CLVS2: variants seen among roughly 807,000 people sequenced by gnomAD.
CLVS2 encodes the protein clavesin-2.
A neutral mutation model predicts 29.0 loss-of-function variants in CLVS2; 19 were observed. The ratio of observed to expected loss-of-function variants is 0.66; its 90% confidence interval spans 0.46 to 0.96. The LOEUF (loss-of-function observed/expected upper bound fraction) is 0.96. CLVS2 is among the 40% of genes least tolerant of loss of function. The pLI is 0.00. For missense variants in CLVS2, 294 were observed against 404.1 expected, an observed-to-expected ratio of 0.73 and a Z score of 2.34; for synonymous variants, 161 against 151.3, an observed-to-expected ratio of 1.06 and a Z score of -0.47.
At chr6:123,057,798 T>C (rs1415847866) in intron 5 of CLVS2, among the ~76,000 whole-genome samples, 6 of 152,200 alleles carry the variant, frequency 3.9e-5, no homozygotes, top group Non-Finnish European at 7.3e-5. Flanking sequence ...AGCAAGCTTA[T>C]ATTTAAACCA....
intron 3 of CLVS2, among the ~76,000 whole-genome samples, chr6:123,013,695 AC>A (rs1167747462): frequency 2.0e-5 from 3 of 151,804 alleles, no homozygotes; most frequent in African/African-American, 4.8e-5. Context: ...GTTTTAGGGT[AC>A]ATGTGCACAT....
At chr6:123,031,387 A>G (rs529468459) in intron 3 of CLVS2, among the ~76,000 whole-genome samples, 1 of 152,300 alleles carries the variant, frequency 6.6e-6, no homozygotes, top group East Asian at 1.9e-4. Flanking sequence ...GATGTTGGTC[A>G]AAAGACACAA....
Position 123,063,906 on chromosome 6 carries a change from C to G in CLVS2, c.*145C>G. The stretch of plus-strand genomic sequence containing the variant: ...ATATATAACAAGGCATCAGGCTTTC[C>G]TTGGCCTGAACCATGGGGGCCCTGG... On this transcript the variant is annotated 3_prime_UTR_variant, in exon 6 of 6. Coordinates refer to ENST00000275162, the MANE Select transcript of CLVS2 (RefSeq NM_001010852.4). 2.0e-6 allele frequency: 1 copy of G among 506,476 alleles called. No homozygotes were observed. Among genetic ancestry groups the G allele is most frequent in the Non-Finnish European group, 3.5e-6 (1 of 288,484 alleles). The allele number at this position is 506,476 out of a possible 1,614,324, so 31.4% of individuals were successfully genotyped here.
intron 3 of CLVS2, among the ~76,000 whole-genome samples, chr6:123,040,654 G>T (rs1257366520): frequency 6.6e-6 from 1 of 152,008 alleles, no homozygotes; most frequent in Non-Finnish European, 1.5e-5. Flanking sequence ...TTAGCTGGGC[G>T]TAGTGGCGGG....
At chr6:123,028,645 A>T (rs1232540230) in intron 3 of CLVS2, among the ~76,000 whole-genome samples, 27 of 152,230 alleles carry the variant, frequency 1.8e-4, no homozygotes, top group Admixed American at 1.8e-3. Flanking sequence ...TCTTGAACAC[A>T]GGATTAATGC....
chr6:123,006,388 A>G (rs1035789806), intron 2 of CLVS2, among the ~76,000 whole-genome samples: 22 of 152,126 alleles, frequency 1.4e-4, no homozygotes, highest in African/African-American at 5.3e-4. Context: ...TGTGTGCAGG[A>G]CAATTTTTCA....
At chr6:123,048,770 C>A in intron 4 of CLVS2, 38 bp downstream of exon 4, 2 of 1,239,132 alleles carry the variant, frequency 1.6e-6, no homozygotes, top group Non-Finnish European at 2.4e-6. Flanking sequence ...TTCTCTTCCG[C>A]CATCCAATGA....
At chr6:123,000,057 TTAA>T (rs1459261127) in intron 2 of CLVS2, among the ~76,000 whole-genome samples, 1 of 152,048 alleles carries the variant, frequency 6.6e-6, no homozygotes, top group Non-Finnish European at 1.5e-5. Flanking sequence ...GGAAACGGAG[TTAA>T]TAATTGGTAT....
chr6:123,020,649 A>G (rs1774906439), intron 3 of CLVS2, among the ~76,000 whole-genome samples: 1 of 152,112 alleles, frequency 6.6e-6, no homozygotes, highest in Non-Finnish European at 1.5e-5. Flanking sequence ...ATCAAGATTT[A>G]TCAAGTACTT....
Position 123,064,674 on chromosome 6 carries a change from AT to A in CLVS2, c.*914del, listed in dbSNP as rs1772827531. ...TTGTTGTGCACTGGTTAAAAAGTATATATATATATATATTCACACATATATA... is the reference window on the plus strand; with the variant it reads ...TTGTTGTGCACTGGTTAAAAAGTATAATATATATATATTCACACATATATA... On this transcript the variant is annotated 3_prime_UTR_variant, in exon 6 of 6. Transcript: ENST00000275162. 6.6e-6 allele frequency: 1 copy of A among 151,526 alleles called. No individual in the cohort carries two copies. Among genetic ancestry groups the A allele is most frequent in the Non-Finnish European group, 1.5e-5 (1 of 67,772 alleles). 9.4% of individuals were successfully genotyped at this position (151,526 alleles called of 1,614,324 possible).
intron 4 of CLVS2, among the ~76,000 whole-genome samples, chr6:123,053,322 T>C (rs1368767745): frequency 6.6e-6 from 1 of 152,094 alleles, no homozygotes; most frequent in Non-Finnish European, 1.5e-5. Flanking sequence ...CCAGCCTGGG[T>C]GACAGAGTAA....
In CLVS2 at chr6:123,049,804, T is replaced by TGGGGG. The variant is rs531705671; in HGVS notation, c.675+1074_675+1078dup. Reference sequence around the variant, plus strand: ...TCACACACCGGGGCCTGTTGTGGGATGGGGGGCGGGGAGGAATAGCATTAG... The same window carrying TGGGGG: ...TCACACACCGGGGCCTGTTGTGGGATGGGGGGGGGGGCGGGGAGGAATAGCATTAG... On this transcript the variant is annotated intron_variant, in intron 4 of 5. Coordinates refer to ENST00000275162, the MANE Select transcript of CLVS2 (RefSeq NM_001010852.4). 6.5e-3 allele frequency among the ~76,000 whole-genome samples: 764 copies of TGGGGG among 117,548 alleles called. 1 individual carries two copies. Among genetic ancestry groups the TGGGGG allele is most frequent in the Non-Finnish European group, 1.0e-2 (549 of 54,996 alleles). The allele number at this position is 117,548 out of a possible 152,430, so 77.1% of individuals were successfully genotyped here.
intron 3 of CLVS2, among the ~76,000 whole-genome samples, chr6:123,044,737 A>T (rs540234424): frequency 9.2e-5 from 14 of 152,182 alleles, no homozygotes; most frequent in Non-Finnish European, 1.8e-4. Flanking sequence ...ACCTGTGAAG[A>T]TAAGCTGTTA....
At chr6:123,053,577 G>A (rs980657947) in intron 4 of CLVS2, among the ~76,000 whole-genome samples, 9 of 152,168 alleles carry the variant, frequency 5.9e-5, no homozygotes, top group Non-Finnish European at 1.2e-4. Context: ...TCATTCAGTG[G>A]TAAGAGACAA....
intron 3 of CLVS2, among the ~76,000 whole-genome samples, chr6:123,045,502 C>T (rs1341687094): frequency 1.3e-5 from 2 of 152,020 alleles, no homozygotes; most frequent in East Asian, 1.9e-4. Flanking sequence ...CAAACAATCT[C>T]TCAGCTAATA....
chr6:123,004,673 G>A (rs1774637693), intron 2 of CLVS2, among the ~76,000 whole-genome samples: 1 of 152,178 alleles, frequency 6.6e-6, no homozygotes, highest in Admixed American at 6.5e-5. Flanking sequence ...AGCACTTTGG[G>A]AGGCCAAGGC....
chr6:123,040,835 CA>C (rs923052484), intron 3 of CLVS2, among the ~76,000 whole-genome samples: 74 of 146,998 alleles, frequency 5.0e-4, no homozygotes, highest in African/African-American at 1.8e-3. Context: ...AATTAAGTGG[CA>C]AAAGAGGAAA....
intron 4 of CLVS2, among the ~76,000 whole-genome samples, chr6:123,052,612 C>A (rs1772628813): frequency 6.6e-6 from 1 of 152,082 alleles, no homozygotes; most frequent in African/African-American, 2.4e-5. Context: ...AGGGGTAGAG[C>A]TAATCAGAAT....
chr6:123,035,008 C>T (rs1582656027), intron 3 of CLVS2, among the ~76,000 whole-genome samples: 2 of 152,052 alleles, frequency 1.3e-5, no homozygotes, highest in Admixed American at 1.3e-4. Flanking sequence ...GTATCGCAGG[C>T]ACAATAAATA....
Sources: gnomAD v4.1 joint callset for allele counts (sites outside exome capture counted in the v4.1 genomes callset) on GRCh38, gnomAD v4.1.1 for gene constraint, MANE v1.5 for transcripts, NCBI Gene and HGNC (gene_info 2026-07-23, HGNC 2026-07-21) for gene names.